The following GTPBP3 variants were observed in gnomAD, a reference collection of about 807,000 sequenced individuals.
The protein encoded by GTPBP3 is GTP binding protein 3, mitochondrial, also known as 5-taurinomethyluridine-[tRNA] synthase subunit GTPB3, mitochondrial.
In GTPBP3, 35 loss-of-function variants were observed where a neutral mutation model predicts 42.0. The ratio of observed to expected loss-of-function variants is 0.83; its 90% confidence interval spans 0.64 to 1.10. The LOEUF (loss-of-function observed/expected upper bound fraction) is 1.10, where lower values mean the gene tolerates loss of function less well. Among genes scored for constraint, GTPBP3 ranks in the 50% least tolerant of loss-of-function variants. The pLI is 0.00. For missense variants in GTPBP3, 691 were observed against 685.2 expected (o/e 1.01, Z -0.09); for synonymous variants, 332 against 314.9 (o/e 1.05, Z -0.58).
At position 17,338,275 on chromosome 19, in the gene GTPBP3, G is replaced by A; in HGVS notation, c.301+20G>A. 6.3e-7 allele frequency: 1 copy of A among 1,599,326 alleles called. No homozygotes were observed. The highest frequency in any genetic ancestry group is 8.5e-7 in the Non-Finnish European group (1 of 1,174,290). ...TCCCAGGTGAGGGTCCCCAGGTTCC[G>A]AGCCTCCTGTAGGTCCCATGACTCA... On this transcript the variant is annotated intron_variant, in intron 2 of 8. Coordinates refer to ENST00000324894, the MANE Select transcript of GTPBP3 (RefSeq NM_032620.4).
rs368046570 is a variant in GTPBP3 at position 17,339,584 on chromosome 19, G to A, written c.959G>A (p.Arg320Gln). 4.3e-5 allele frequency: 69 copies of A among 1,606,914 alleles called. No homozygotes were observed. Among genetic ancestry groups the A allele is most frequent in the South Asian group, 2.2e-4 (20 of 90,796 alleles). ...GGGCCCGTGGAGCAGGAGGGCGTGC[G>A]GCGCGCCCGGGAGAGGTGGGCGGAC... The part of the protein sequence containing the change: ...GVGPVEQEGV[R>Q]RARERLEQAD... The change falls in exon 7 of 9, where the codon CGG becomes CAG. Residue 320 changes from arginine to glutamine, a missense_variant. Coordinates refer to ENST00000324894, the MANE Select transcript of GTPBP3 (RefSeq NM_032620.4).
At chr19:17,335,844 AC>A (rs2074362710), upstream of GTPBP3, among the ~76,000 whole-genome samples, 2 of 84,606 alleles carry the variant, frequency 2.4e-5, no homozygotes, top group Non-Finnish European at 3.5e-5. Context: ...CTAGCTTGTT[AC>A]AGATGTAATA....
At chr19:17,336,328 CAACA>C (rs2074368058), upstream of GTPBP3, among the ~76,000 whole-genome samples, 1 of 138,040 alleles carries the variant, frequency 7.2e-6, no homozygotes, top group Non-Finnish European at 1.6e-5. Context: ...CAAACAAAAA[CAACA>C]AACAAAAAGA....
chr19:17,340,055 G>A (rs370424474), intron 7 of GTPBP3, among the ~76,000 whole-genome samples: 5 of 149,528 alleles, frequency 3.3e-5, no homozygotes, highest in African/African-American at 4.9e-5. Flanking sequence ...TTTTTGAGAC[G>A]GAGTTTCGCT....
Position 17,339,206 on chromosome 19 carries a change from G to A in GTPBP3, c.748G>A (p.Val250Met). The change falls in exon 6 of 9, where the codon GTG (valine) becomes ATG (methionine). Residue 250 changes from valine to methionine, a missense_variant. By Grantham distance (21) the Val-to-Met change is conservative. Transcript: ENST00000324894. Reference protein sequence around the residue: ...ARRGQRLRSGVHVVVTGPPNA... With the variant: ...ARRGQRLRSGMHVVVTGPPNA... ...GCGCGGGCAGAGGCTCCGCTCAGGG[G>A]TGCACGTAGTGGTCACTGGACCCCC... The A allele has an allele frequency of 1.2e-6, 2 of 1,613,336 alleles. No homozygotes were observed. The highest frequency in any genetic ancestry group is 2.2e-5 in the South Asian group (2 of 91,082).
chr19:17,341,675 T>C lies in GTPBP3; in HGVS notation c.1451T>C (p.Ile484Thr). 6.3e-7 allele frequency: 1 copy of C among 1,593,220 alleles called. No homozygotes were observed. Among genetic ancestry groups the C allele is most frequent in the Non-Finnish European group, 8.6e-7 (1 of 1,165,076 alleles). Residue 484 changes from isoleucine to threonine, a missense_variant, in exon 9 of 9, where the codon ATC becomes ACC. Physicochemically the swap from Ile to Thr is moderately conservative, Grantham distance 89. Coordinates refer to ENST00000324894, the MANE Select transcript of GTPBP3 (RefSeq NM_032620.4). Reference sequence around the variant, plus strand: ...GGTACCGAGGAGATCCTGGACATCATCTTCCAGGACTTCTGTGTGGGCAAG... The same window carrying C: ...GGTACCGAGGAGATCCTGGACATCACCTTCCAGGACTTCTGTGTGGGCAAG... Reference protein sequence around the residue: ...GGGTEEILDIIFQDFCVGK With the variant: ...GGGTEEILDITFQDFCVGK
Position 17,341,631 on chromosome 19 carries a change from C to T in GTPBP3, c.1407C>T (p.Thr469=). The change falls in exon 9 of 9, where the codon ACC becomes ACT. Residue 469 remains threonine, a synonymous_variant. Transcript: ENST00000324894. ...EALRVARGHL[T]RLTGGGGTEE... is the part of the protein sequence containing the mutation. ...TGCGGGTGGCCCGGGGTCACCTGAC[C>T]CGGCTCACAGGTGGAGGGGGTACCG... 1 of 1,613,450 alleles carries T rather than the reference C, an allele frequency of 6.2e-7. No individual in the cohort carries two copies. The highest frequency in any genetic ancestry group is 8.5e-7 in the Non-Finnish European group (1 of 1,179,706).
chr19:17,338,419 C>T lies in GTPBP3; in HGVS notation c.356C>T (p.Pro119Leu), dbSNP rs143759529. 1.6e-4 allele frequency: 257 copies of T among 1,614,114 alleles called. 1 individual carries two copies. The African/African-American group carries it at 2.9e-3, about 18-fold the overall frequency. The change falls in exon 3 of 9, where the codon CCG becomes CTG. Residue 119 changes from proline (P) to leucine (L), a missense_variant. Pro to Leu is a moderately conservative substitution (Grantham distance 98, BLOSUM62 -3). Transcript: ENST00000324894. ...GTGGAGTTCCACGTGCATGGAGGCC[C>T]GGCAGTGGTGAGCGGCGTCCTGCAG... ...DCVEFHVHGG[P>L]AVVSGVLQAL...
chr19:17,341,535 C>T lies in GTPBP3; in HGVS notation c.1311C>T (p.His437=), dbSNP rs1478610640. Residue 437 remains histidine, a synonymous_variant, in exon 9 of 9, where the codon CAC becomes CAT. Transcript: ENST00000324894. The stretch of plus-strand genomic sequence containing the variant: ...TGACCCGAGCAAGGCACCAGCACCA[C>T]CTCCAGGGTTGCCTGGATGCCCTCG... ...PLLTRARHQH[H]LQGCLDALGH... The T allele has an allele frequency of 1.2e-6, 2 of 1,613,720 alleles. No individual in the cohort carries two copies. Among genetic ancestry groups the T allele is most frequent in the Non-Finnish European group, 1.7e-6 (2 of 1,180,006 alleles).
Position 17,338,753 on chromosome 19 carries a change from A to T in GTPBP3, c.591+12A>T. Reference sequence around the variant, plus strand: ...AGACCCTCACCAAAGCAAGTCCCCCATTTGTCCATTCTCTCCCTCAGAGAC... The same window carrying T: ...AGACCCTCACCAAAGCAAGTCCCCCTTTTGTCCATTCTCTCCCTCAGAGAC... On this transcript the variant is annotated intron_variant, in intron 4 of 8. Coordinates refer to ENST00000324894, the MANE Select transcript of GTPBP3 (RefSeq NM_032620.4). 1 of 1,597,846 alleles carries T rather than the reference A, an allele frequency of 6.3e-7. No individual in the cohort carries two copies. The highest frequency in any genetic ancestry group is 8.5e-7 in the Non-Finnish European group (1 of 1,169,886).
In GTPBP3 at chr19:17,339,546, G is replaced by T; in HGVS notation, c.921G>T (p.Leu307Phe). 1 of 1,613,258 alleles carries T rather than the reference G, an allele frequency of 6.2e-7. No homozygotes were observed. Among genetic ancestry groups the T allele is most frequent in the South Asian group, 1.1e-5 (1 of 91,068 alleles). The change falls in exon 7 of 9, where the codon TTG (leucine) becomes TTT (phenylalanine). Residue 307 changes from leucine to phenylalanine, a missense_variant. Leu to Phe is a conservative substitution (Grantham distance 22). Transcript: ENST00000324894. The stretch of plus-strand genomic sequence containing the variant: ...TGCTGCTGAGCGACACGGCTGGGTT[G>T]CGGGAGGGCGTGGGGCCCGTGGAGC... ...FPVLLSDTAG[L>F]REGVGPVEQE...
chr19:17,340,930 C>T, intron 7 of GTPBP3, 114 bp from the exon 8 acceptor site: 2 of 1,218,824 alleles, frequency 1.6e-6, no homozygotes, highest in Non-Finnish European at 1.1e-6. Context: ...TCCCTCCCGA[C>T]CTCACGCTTC....
Position 17,341,791 on chromosome 19 carries a change from A to C in GTPBP3, c.*88A>C. On this transcript the variant is annotated 3_prime_UTR_variant, in exon 9 of 9. Transcript: ENST00000324894. ...ACAGTTTAGGCCAATTGGGATTCTC[A>C]TTCGCCTGGGAAAGAACTTGATTCT... is the stretch of plus-strand genomic sequence containing the variant. 5.0e-4 allele frequency: 583 copies of C among 1,158,724 alleles called. No individual in the cohort carries two copies. Among genetic ancestry groups the C allele is most frequent in the Non-Finnish European group, 6.5e-4 (531 of 818,088 alleles). 71.8% of individuals were successfully genotyped at this position (1,158,724 alleles called of 1,614,324 possible).
chr19:17,337,906 A>G, intron 1 of GTPBP3, 102 bp from the exon 2 acceptor site: 1 of 1,327,594 alleles, frequency 7.5e-7, no homozygotes, highest in Non-Finnish European at 1.0e-6. Context: ...CAGCCGCAGA[A>G]CCCCCCCACC....
At chr19:17,334,992 C>T (rs1489485174), upstream of GTPBP3, 5 of 1,535,410 alleles carry the variant, frequency 3.3e-6, no homozygotes, top group Non-Finnish European at 4.4e-6. Context: ...CTGCTGGTCC[C>T]CGCCCGCACT....
At chr19:17,336,722 GT>G, upstream of GTPBP3, 1 of 152,182 alleles carries the variant, frequency 6.6e-6, no homozygotes, top group Non-Finnish European at 1.5e-5. Flanking sequence ...TTTATTCCGA[GT>G]TTCAGTGCTG....
upstream of GTPBP3, chr19:17,337,043 C>T (rs1204278455): frequency 1.3e-5 from 2 of 152,252 alleles, no homozygotes; most frequent in East Asian, 1.9e-4. Context: ...AAGTAGGACT[C>T]TTTCCAGAAG....
Position 17,339,214 on chromosome 19 carries a change from A to G in GTPBP3, c.756A>G (p.Val252=), listed in dbSNP as rs761454762. The G allele has an allele frequency of 1.2e-6, 2 of 1,612,496 alleles. No individual in the cohort carries two copies. The highest frequency in any genetic ancestry group is 2.2e-5 in the South Asian group (2 of 91,064). ...RGQRLRSGVH[V]VVTGPPNAGK... ...AGAGGCTCCGCTCAGGGGTGCACGT[A>G]GTGGTCACTGGACCCCCCAATGCGG... Residue 252 remains valine, a synonymous_variant, in exon 6 of 9, where the codon GTA becomes GTG. Transcript: ENST00000324894.
At chr19:17,339,733 TGG>T in intron 7 of GTPBP3, 134 bp downstream of exon 7, 3 of 898,938 alleles carry the variant, frequency 3.3e-6, no homozygotes, top group Non-Finnish European at 4.7e-6. Context: ...CTCAGGGATT[TGG>T]TTCTTTTTTT....
Sources: gnomAD v4.1 joint callset for allele counts (sites outside exome capture counted in the v4.1 genomes callset) on GRCh38, gnomAD v4.1.1 for gene constraint, MANE v1.5 for transcripts, NCBI Gene and HGNC (gene_info 2026-07-23, HGNC 2026-07-21) for gene names.